HTRA3: variants seen among roughly 807,000 people sequenced by gnomAD.
HTRA3 encodes the protein HtrA serine peptidase 3.
In HTRA3, 41 loss-of-function variants were observed where a neutral mutation model predicts 43.2. That is an observed-to-expected ratio of 0.95 (90% CI 0.74 to 1.23). The LOEUF is 1.23. Ranked by LOEUF, HTRA3 falls within the 50% of genes most tolerant of loss-of-function variation. The pLI is 0.00. For synonymous variants in HTRA3, 295 were observed against 287.9 expected (o/e 1.02, Z -0.25); for missense variants, 628 against 647.1 (o/e 0.97, Z 0.32).
At chr4:8,282,607 A>G in intron 2 of HTRA3, 71 bp downstream of exon 2, 1 of 1,221,096 alleles carries the variant, frequency 8.2e-7, no homozygotes, top group Non-Finnish European at 1.2e-6. Context: ...GCTGGGGCCC[A>G]AACCAGGCTT....
rs1030439571 is a variant in HTRA3 at position 8,306,033 on chromosome 4, G to C, written c.1259G>C (p.Ser420Thr). 5.0e-6 allele frequency: 8 copies of C among 1,613,044 alleles called. No individual in the cohort carries two copies. The highest frequency in any genetic ancestry group is 1.1e-5 in the South Asian group (1 of 91,000). ...KVNGRPLVDS[S>T]ELQEAVLTES... ...AACGGGCGTCCTCTAGTGGACTCGAGTGAGCTGCAGGAGGCCGTGCTGACC... is the reference window on the plus strand; with the variant it reads ...AACGGGCGTCCTCTAGTGGACTCGACTGAGCTGCAGGAGGCCGTGCTGACC... Residue 420 changes from serine to threonine, a missense_variant, in exon 9 of 9, where the codon AGT (serine) becomes ACT (threonine). Coordinates refer to ENST00000307358, the MANE Select transcript of HTRA3 (RefSeq NM_053044.5). This position sits in a 1 kb window ranked among gnomAD's most constrained non-coding sequence, Gnocchi z 8.9.
In HTRA3 at chr4:8,296,084, G is replaced by T; in HGVS notation, c.1051+1883G>T. On this transcript the variant is annotated intron_variant, in intron 6 of 8. Coordinates refer to ENST00000307358, the MANE Select transcript of HTRA3 (RefSeq NM_053044.5). This position sits in a 1 kb window ranked among gnomAD's most constrained non-coding sequence, Gnocchi z 5.3. Reference sequence around the variant, plus strand: ...TGTTGAATTATCCCATTCTCCATGGGTGCCTTTGACTTTGGCCTCCTTACT... The same window carrying T: ...TGTTGAATTATCCCATTCTCCATGGTTGCCTTTGACTTTGGCCTCCTTACT... The T allele has an allele frequency of 2.9e-6, 3 of 1,042,894 alleles. No individual in the cohort carries two copies. The East Asian group carries it at 2.3e-4, about 79-fold the overall frequency. 64.6% of individuals were successfully genotyped at this position (1,042,894 alleles called of 1,614,324 possible). A position where few individuals can be genotyped will look rare whatever the true frequency, so the allele number is the denominator to read the frequency against.
intron 1 of HTRA3, among the ~76,000 whole-genome samples, chr4:8,277,332 G>GC (rs1179389369): frequency 1.3e-5 from 2 of 152,192 alleles, no homozygotes; most frequent in Non-Finnish European, 2.9e-5. Context: ...TGTTGAGGGG[G>GC]CCCCTGGAAT....
intron 1 of HTRA3, among the ~76,000 whole-genome samples, chr4:8,275,024 C>T (rs1034035364): frequency 3.3e-5 from 5 of 152,218 alleles, no homozygotes; most frequent in Admixed American, 6.5e-5. Context: ...GATGACGCCT[C>T]CCCTCCTGCC....
At chr4:8,302,832 G>A (rs960827963) in intron 7 of HTRA3, among the ~76,000 whole-genome samples, 4 of 152,184 alleles carry the variant, frequency 2.6e-5, no homozygotes, top group Non-Finnish European at 2.9e-5. Flanking sequence ...TCAAGGGGTC[G>A]GCAGGGCTGC....
intron 1 of HTRA3, among the ~76,000 whole-genome samples, chr4:8,278,281 T>A (rs1712608321): frequency 6.6e-6 from 1 of 151,340 alleles, no homozygotes; most frequent in African/African-American, 2.4e-5. Flanking sequence ...CGCCCCTTCC[T>A]CTCCTGGGAT....
intron 3 of HTRA3, among the ~76,000 whole-genome samples, chr4:8,288,747 A>G (rs1382371437): frequency 6.9e-6 from 1 of 144,164 alleles, no homozygotes; most frequent in Non-Finnish European, 1.5e-5. Flanking sequence ...TAATTTTTGT[A>G]TTTTTAGTAG....
In HTRA3 at chr4:8,286,512, C is replaced by G. The variant is rs751414247; in HGVS notation, c.486-49C>G. On this transcript the variant is annotated intron_variant, in intron 2 of 8. Coordinates refer to ENST00000307358, the MANE Select transcript of HTRA3 (RefSeq NM_053044.5). The surrounding 1 kb of genome is among the most constrained non-coding windows in gnomAD (Gnocchi z 4.9). ...GCCCCACCACTGCGCCTGACTCCCC[C>G]GCGTCCTAGCCCCACCCTAAATGCC... is the stretch of plus-strand genomic sequence containing the variant. The G allele has an allele frequency of 2.0e-6, 3 of 1,525,290 alleles. No individual in the cohort carries two copies. The highest frequency in any genetic ancestry group is 2.7e-6 in the Non-Finnish European group (3 of 1,103,906). The allele number at this position is 1,525,290 out of a possible 1,614,324, so 94.5% of individuals were successfully genotyped here.
At chr4:8,302,436 C>T (rs201914350) in intron 6 of HTRA3, 27 bp from the exon 7 acceptor site, 129 of 1,612,556 alleles carry the variant, frequency 8.0e-5, no homozygotes, top group African/African-American at 3.2e-4. Context: ...GCAGCCCTAA[C>T]GGAGTCTCGC....
At position 8,295,344 on chromosome 4, in the gene HTRA3, C is replaced by T. The variant is rs1713417501; in HGVS notation, c.1051+1143C>T. On this transcript the variant is annotated intron_variant, in intron 6 of 8. Transcript: ENST00000307358. This position sits in a 1 kb window ranked among gnomAD's most constrained non-coding sequence, Gnocchi z 6.9. ...GTCACCCTCCTCCAAGCCCCCATTT[C>T]CTTGCCCCCATTTCCTCACCCCATC... Among the ~76,000 whole-genome samples, 1 of 151,744 alleles carries T rather than the reference C, an allele frequency of 6.6e-6. No individual in the cohort carries two copies. The highest frequency in any genetic ancestry group is 2.0e-4 in the East Asian group (1 of 5,128).
intron 1 of HTRA3, among the ~76,000 whole-genome samples, chr4:8,282,180 G>T (rs1224351810): frequency 2.6e-5 from 4 of 151,256 alleles, no homozygotes; most frequent in Non-Finnish European, 5.9e-5. Context: ...GGTCCAGTGA[G>T]GGGGGTGAGG....
intron 1 of HTRA3, among the ~76,000 whole-genome samples, chr4:8,275,022 C>T (rs992197759): frequency 5.3e-5 from 8 of 152,218 alleles, no homozygotes; most frequent in Admixed American, 1.3e-4. Flanking sequence ...AAGATGACGC[C>T]TCCCCTCCTG....
chr4:8,286,430 A>G lies in HTRA3; in HGVS notation c.486-131A>G. 1.3e-6 allele frequency: 1 copy of G among 749,174 alleles called. No homozygotes were observed. The highest frequency in any genetic ancestry group is 2.3e-6 in the Non-Finnish European group (1 of 436,536). 46.4% of individuals were successfully genotyped at this position (749,174 alleles called of 1,614,324 possible). A position where few individuals can be genotyped will look rare whatever the true frequency, so the allele number is the denominator to read the frequency against. ...GGGCCAGGATTCAAATGGGAGCTTG[A>G]GGGACTCCAGACCTGTGTTCTGTCA... is the stretch of plus-strand genomic sequence containing the variant. On this transcript the variant is annotated intron_variant, in intron 2 of 8. Transcript: ENST00000307358. This position sits in a 1 kb window ranked among gnomAD's most constrained non-coding sequence, Gnocchi z 4.9.
intron 3 of HTRA3, among the ~76,000 whole-genome samples, chr4:8,287,281 G>A (rs904126993): frequency 6.6e-6 from 1 of 152,138 alleles, no homozygotes; most frequent in Admixed American, 6.5e-5. Context: ...TTCCTCCACC[G>A]GCTGTTTCTG....
rs1712651689 is a variant in HTRA3 at position 8,279,370 on chromosome 4, C to G, written c.386-3067C>G. ...CAGAGGGTTTTAAAACAAATCATCC[C>G]CTATAAAATCGAGTGTCACCTATTT... is the stretch of plus-strand genomic sequence containing the variant. On this transcript the variant is annotated intron_variant, in intron 1 of 8. Transcript: ENST00000307358. The surrounding 1 kb of genome is among the most constrained non-coding windows in gnomAD (Gnocchi z 7.4). 1.3e-5 allele frequency among the ~76,000 whole-genome samples: 2 copies of G among 152,196 alleles called. No homozygotes were observed. The highest frequency in any genetic ancestry group is 6.5e-5 in the Admixed American group (1 of 15,276).
chr4:8,285,314 G>A (rs1712912024), intron 2 of HTRA3, among the ~76,000 whole-genome samples: 2 of 152,220 alleles, frequency 1.3e-5, no homozygotes, highest in African/African-American at 2.4e-5. Flanking sequence ...GTGCCCATGA[G>A]CATTCAATGG....
At chr4:8,282,748 G>A (rs947060210) in intron 2 of HTRA3, among the ~76,000 whole-genome samples, 1 of 152,236 alleles carries the variant, frequency 6.6e-6, no homozygotes, top group Non-Finnish European at 1.5e-5. Context: ...TGCTGGAGCT[G>A]TAGGCACCAA....
chr4:8,278,688 G>T (rs1320407331), intron 1 of HTRA3, among the ~76,000 whole-genome samples: 1 of 152,164 alleles, frequency 6.6e-6, no homozygotes, highest in Non-Finnish European at 1.5e-5. Context: ...ACAGGACCTG[G>T]TGGGGCCCTG....
At position 8,304,194 on chromosome 4, in the gene HTRA3, G is replaced by A; in HGVS notation, c.1111G>A (p.Glu371Lys). 6.2e-7 allele frequency: 1 copy of A among 1,614,106 alleles called. No homozygotes were observed. The change falls in exon 8 of 9, where the codon GAG (glutamate) becomes AAG (lysine). Residue 371 changes from glutamate (E) to lysine (K), a missense_variant. Transcript: ENST00000307358. Reference protein sequence around the residue: ...MRTITPSLVDELKASNPDFPE... With the variant: ...MRTITPSLVDKLKASNPDFPE... ...GCAGACTCTTTCCAGCCTGGTGGAT[G>A]AGCTGAAGGCCAGCAACCCGGACTT...
Sources: allele counts gnomAD v4.1 joint callset (sites outside exome capture counted in the v4.1 genomes callset), GRCh38; gene constraint gnomAD v4.1.1; non-coding constraint Gnocchi (gnomAD v3.1); transcripts MANE v1.5; gene names NCBI Gene and HGNC (gene_info 2026-07-23, HGNC 2026-07-21).